PSMD11: variants seen among roughly 807,000 people sequenced by gnomAD.
The protein encoded by PSMD11 is proteasome 26S subunit, non-ATPase 11, also known as 26S proteasome non-ATPase regulatory subunit 11.
In PSMD11, 5 loss-of-function variants were observed where a neutral mutation model predicts 62.3. The ratio of observed to expected loss-of-function variants is 0.08; its 90% CI spans 0.04 to 0.17. PSMD11 has a LOEUF of 0.17. Among genes scored for constraint, PSMD11 ranks in the 10% least tolerant of loss-of-function variants. PSMD11 has a pLI of 1.00. For missense variants in PSMD11, 310 were observed against 512.9 expected (o/e 0.60, Z 3.82); for synonymous variants, 191 against 191.8 (o/e 1.00, Z 0.03).
chr17:32,473,508 G>A (rs183048209), intron 6 of PSMD11, among the ~76,000 whole-genome samples: 63 of 152,118 alleles, frequency 4.1e-4, no homozygotes, highest in African/African-American at 1.5e-3. Context: ...TTGAGCTCCT[G>A]ACCTCAGGTG....
chr17:32,459,241 A>T (rs1253732356), intron 3 of PSMD11, among the ~76,000 whole-genome samples: 1 of 150,842 alleles, frequency 6.6e-6, no homozygotes, highest in Non-Finnish European at 1.5e-5. Context: ...GAATGTATGG[A>T]CTGTGCCTGT....
intron 4 of PSMD11, 115 bp from the exon 5 acceptor site, chr17:32,464,406 G>T: frequency 1.2e-6 from 1 of 853,982 alleles, no homozygotes; most frequent in South Asian, 1.7e-5. Flanking sequence ...TGCTGAATTT[G>T]ATGCTATCAT....
chr17:32,451,135 A>AG (rs1334674050), intron 2 of PSMD11, among the ~76,000 whole-genome samples: 116 of 151,510 alleles, frequency 7.7e-4, no homozygotes, highest in Non-Finnish European at 8.2e-4. Flanking sequence ...AAAAAAAAAA[A>AG]GAAAAAAGAA....
chr17:32,459,777 T>C (rs553999415), intron 3 of PSMD11, among the ~76,000 whole-genome samples: 4 of 152,318 alleles, frequency 2.6e-5, no homozygotes, highest in Admixed American at 2.0e-4. Flanking sequence ...GTGATTCTCC[T>C]GCCTTAGCCT....
intron 3 of PSMD11, among the ~76,000 whole-genome samples, chr17:32,456,855 CG>C (rs1342387999): frequency 6.6e-6 from 1 of 152,054 alleles, no homozygotes; most frequent in Non-Finnish European, 1.5e-5. Flanking sequence ...TTAGTAGAGA[CG>C]GGGTTTCACC....
chr17:32,464,452 C>A, intron 4 of PSMD11, 69 bp from the exon 5 acceptor site: 1 of 1,278,308 alleles, frequency 7.8e-7, no homozygotes, highest in Non-Finnish European at 1.1e-6. Flanking sequence ...AGTTCTGTGA[C>A]TGTCAATCTT....
At chr17:32,446,803 A>AG in intron 1 of PSMD11, 142 bp from the exon 2 acceptor site, 1 of 522,056 alleles carries the variant, frequency 1.9e-6, no homozygotes, top group Non-Finnish European at 3.3e-6. Flanking sequence ...CCTGGCTTAG[A>AG]GTTTTTTTTT....
chr17:32,470,254 C>T (rs1289512229), intron 6 of PSMD11, among the ~76,000 whole-genome samples: 2 of 151,942 alleles, frequency 1.3e-5, no homozygotes, highest in Non-Finnish European at 2.9e-5. Flanking sequence ...ATTTTCCCAC[C>T]TTGGCCTCTC....
At chr17:32,458,483 C>T (rs1907714228) in intron 3 of PSMD11, among the ~76,000 whole-genome samples, 1 of 152,194 alleles carries the variant, frequency 6.6e-6, no homozygotes, top group Non-Finnish European at 1.5e-5. Context: ...CTCTTTCCTT[C>T]CTGACTTTAA....
intron 7 of PSMD11, among the ~76,000 whole-genome samples, chr17:32,474,465 T>G (rs2150838849): frequency 6.6e-6 from 1 of 152,366 alleles, no homozygotes; most frequent in South Asian, 2.1e-4. Context: ...TAATAATACC[T>G]GTTACACTGG....
At chr17:32,462,284 A>G (rs1456556838) in intron 3 of PSMD11, among the ~76,000 whole-genome samples, 1 of 152,216 alleles carries the variant, frequency 6.6e-6, no homozygotes, top group Non-Finnish European at 1.5e-5. Flanking sequence ...CTTTGAAGTC[A>G]TGTAGAACTA....
intron 3 of PSMD11, among the ~76,000 whole-genome samples, chr17:32,459,139 TGTA>T (rs1454889813): frequency 7.0e-6 from 1 of 142,858 alleles, no homozygotes; most frequent in African/African-American, 2.6e-5. Context: ...TATATATATA[TGTA>T]TTTTTTTTTT....
chr17:32,460,522 C>G (rs749251647), intron 3 of PSMD11, among the ~76,000 whole-genome samples: 2 of 152,104 alleles, frequency 1.3e-5, no homozygotes, highest in Non-Finnish European at 2.9e-5. Context: ...CGCCTGTGGT[C>G]CCAGCACTTT....
chr17:32,474,674 A>C (rs945662111), intron 7 of PSMD11, 90 bp from the exon 8 acceptor site: 1 of 1,264,840 alleles, frequency 7.9e-7, no homozygotes, highest in African/African-American at 1.5e-5. Context: ...TCTTTATTAC[A>C]ATGGAATTCT....
At chr17:32,478,487 T>A (rs534643610) in intron 9 of PSMD11, among the ~76,000 whole-genome samples, 1 of 152,352 alleles carries the variant, frequency 6.6e-6, no homozygotes, top group East Asian at 1.9e-4. Context: ...TTTATCCCAA[T>A]GTCTGAGATG....
intron 5 of PSMD11, among the ~76,000 whole-genome samples, chr17:32,468,201 A>G (rs1034808092): frequency 1.3e-5 from 2 of 152,042 alleles, no homozygotes; most frequent in African/African-American, 2.4e-5. Context: ...TCTGCCGTTG[A>G]TGGGCATTTA....
At chr17:32,445,959 C>T (rs1047067120) in intron 1 of PSMD11, 12 of 152,282 alleles carry the variant, frequency 7.9e-5, no homozygotes, top group African/African-American at 2.9e-4. Flanking sequence ...ATATTTTATT[C>T]TGAGTACACA....
chr17:32,464,628 T>C (rs1368153211), intron 5 of PSMD11, 50 bp downstream of exon 5: 3 of 1,431,402 alleles, frequency 2.1e-6, no homozygotes, highest in African/African-American at 1.4e-5. Flanking sequence ...GAATGTATTC[T>C]AAACCACCTG....
chr17:32,458,679 T>TC (rs1907720137), intron 3 of PSMD11, among the ~76,000 whole-genome samples: 1 of 152,244 alleles, frequency 6.6e-6, no homozygotes. Flanking sequence ...TTCAAATTCC[T>TC]TAACCATGGC....
Sources: gnomAD v4.1 joint callset for allele counts (sites outside exome capture counted in the v4.1 genomes callset) on GRCh38, gnomAD v4.1.1 for gene constraint, MANE v1.5 for transcripts, NCBI Gene and HGNC (gene_info 2026-07-23, HGNC 2026-07-21) for gene names.